The following UBE2E3 variants were observed in gnomAD, a reference collection of about 807,000 sequenced individuals.
UBE2E3 encodes ubiquitin-conjugating enzyme E2 E3.
A neutral mutation model predicts 23.6 loss-of-function variants in UBE2E3; 5 were observed. The ratio of observed to expected loss-of-function variants is 0.21; its 90% CI spans 0.11 to 0.44. UBE2E3 has a LOEUF of 0.44. Among genes scored for constraint, UBE2E3 ranks in the 20% least tolerant of loss-of-function variants. The pLI is 0.99. For missense variants in UBE2E3, 81 were observed against 249.8 expected (o/e 0.32, Z 4.55); for synonymous variants, 78 against 87.5 (o/e 0.89, Z 0.60).
intron 3 of UBE2E3, among the ~76,000 whole-genome samples, chr2:181,044,127 CTG>C (rs1176667743): frequency 1.3e-5 from 2 of 152,092 alleles, no homozygotes; most frequent in African/African-American, 4.8e-5. Context: ...TTGAGCATAA[CTG>C]TCCCTCCACA....
In UBE2E3 at chr2:180,982,004, G is replaced by A. The variant is rs990576628; in HGVS notation, c.-25-14G>A. ...TAACATTTTCTCCTCCTCCTCCCCT[G>A]TTCTCTTTAAAAGTTTTCCAAGAGA... On this transcript the variant is annotated splice_polypyrimidine_tract_variant and intron_variant, in intron 1 of 5. Transcript: ENST00000410062. 7 of 1,565,940 alleles carry A rather than the reference G, an allele frequency of 4.5e-6. No individual in the cohort carries two copies. The highest frequency in any genetic ancestry group is 6.1e-6 in the Non-Finnish European group (7 of 1,152,612).
Position 180,984,085 on chromosome 2 carries a change from T to A in UBE2E3, c.237T>A (p.Pro79=). 6.2e-7 allele frequency: 1 copy of A among 1,610,994 alleles called. No individual in the cohort carries two copies. The highest frequency in any genetic ancestry group is 1.3e-5 in the African/African-American group (1 of 75,018). ...CTGAAATAACCCTTGATCCTCCTCC[T>A]AATTGCAGGTAAGAAATGAATTTTG... The part of the protein sequence containing the change: ...ELAEITLDPP[P]NCSAGPKGDN... The change falls in exon 3 of 6, where the codon CCT becomes CCA. Residue 79 remains proline, a synonymous_variant. Transcript: ENST00000410062.
chr2:181,031,339 A>C (rs914907080), intron 3 of UBE2E3, among the ~76,000 whole-genome samples: 1 of 152,172 alleles, frequency 6.6e-6, no homozygotes, highest in African/African-American at 2.4e-5. Flanking sequence ...AGATACGTAG[A>C]AATGTGTTTG....
At chr2:181,040,063 T>A (rs889126115) in intron 3 of UBE2E3, among the ~76,000 whole-genome samples, 3 of 152,204 alleles carry the variant, frequency 2.0e-5, no homozygotes, top group African/African-American at 7.2e-5. Flanking sequence ...CCACATGGGG[T>A]GATTTTTAAT....
intron 3 of UBE2E3, among the ~76,000 whole-genome samples, chr2:181,006,583 C>T (rs1225566387): frequency 2.6e-5 from 4 of 151,958 alleles, no homozygotes; most frequent in African/African-American, 7.3e-5. Flanking sequence ...AAATATTTCT[C>T]GTTTAGCTGA....
chr2:181,043,761 A>G (rs1686586506), intron 3 of UBE2E3, among the ~76,000 whole-genome samples: 3 of 152,180 alleles, frequency 2.0e-5, no homozygotes, highest in Admixed American at 6.5e-5. Context: ...TTTACACAAT[A>G]TGATTACTGG....
chr2:180,996,943 A>G (rs1684838768), intron 3 of UBE2E3, among the ~76,000 whole-genome samples: 1 of 152,084 alleles, frequency 6.6e-6, no homozygotes, highest in Non-Finnish European at 1.5e-5. Context: ...AGTACATTTG[A>G]ACTTTGTGCA....
At chr2:180,992,738 C>G (rs956175419) in intron 3 of UBE2E3, among the ~76,000 whole-genome samples, 1 of 152,050 alleles carries the variant, frequency 6.6e-6, no homozygotes. Flanking sequence ...GTCAGCTCAC[C>G]GCAACCTCTG....
chr2:181,052,743 A>G (rs1686879992), intron 3 of UBE2E3, among the ~76,000 whole-genome samples: 1 of 151,712 alleles, frequency 6.6e-6, no homozygotes. Flanking sequence ...CCTAGTTTTT[A>G]ATCACTTTTG....
chr2:181,030,407 A>G (rs758895248), intron 3 of UBE2E3, among the ~76,000 whole-genome samples: 9 of 151,964 alleles, frequency 5.9e-5, no homozygotes, highest in Non-Finnish European at 1.2e-4. Context: ...ATATTTTTCT[A>G]ATGTCAGACT....
At chr2:180,981,720 A>G (rs1218400581) in intron 1 of UBE2E3, among the ~76,000 whole-genome samples, 3 of 152,216 alleles carry the variant, frequency 2.0e-5, no homozygotes, top group African/African-American at 7.2e-5. Context: ...CTTGTTGCCT[A>G]AGTTCCTTGG....
chr2:180,987,658 A>G (rs1684522776), intron 3 of UBE2E3, among the ~76,000 whole-genome samples: 1 of 152,162 alleles, frequency 6.6e-6, no homozygotes, highest in South Asian at 2.1e-4. Flanking sequence ...AAAAATAAAA[A>G]AATAATGAAA....
chr2:181,014,209 A>T lies in UBE2E3; in HGVS notation c.245+30116A>T, dbSNP rs527737438. On this transcript the variant is annotated intron_variant, in intron 3 of 5. Transcript: ENST00000410062. ...ATGGAAGTTTTAGTTTTTGTTTTCA[A>T]TGGTTGTGGTTGTGGTGGGTGGGGG... is the stretch of plus-strand genomic sequence containing the variant. Among the ~76,000 whole-genome samples the T allele has an allele frequency of 3.9e-5, 6 of 152,208 alleles. No homozygotes were observed. In the South Asian group the frequency reaches 1.2e-3, roughly 32 times the overall value.
At chr2:180,986,158 C>T (rs1006355526) in intron 3 of UBE2E3, among the ~76,000 whole-genome samples, 6 of 152,122 alleles carry the variant, frequency 3.9e-5, no homozygotes, top group Non-Finnish European at 1.5e-5. Context: ...TTTCCCTTGT[C>T]ACAACCTGTG....
At chr2:181,024,624 C>A (rs986235667) in intron 3 of UBE2E3, among the ~76,000 whole-genome samples, 1 of 152,012 alleles carries the variant, frequency 6.6e-6, no homozygotes, top group Non-Finnish European at 1.5e-5. Flanking sequence ...TTACAGTAAT[C>A]TATTTTTCTC....
At chr2:181,028,960 T>G in intron 3 of UBE2E3, among the ~76,000 whole-genome samples, 1 of 152,162 alleles carries the variant, frequency 6.6e-6, no homozygotes, top group East Asian at 1.9e-4. Context: ...TATCTTTATT[T>G]TTTTTTCAAA....
chr2:180,985,950 T>G (rs1395158244), intron 3 of UBE2E3, among the ~76,000 whole-genome samples: 1 of 142,200 alleles, frequency 7.0e-6, no homozygotes, highest in Non-Finnish European at 1.6e-5. Flanking sequence ...TCCGGAATGT[T>G]TCCTCAAGGT....
intron 3 of UBE2E3, among the ~76,000 whole-genome samples, chr2:180,987,183 A>G (rs1249915200): frequency 1.3e-5 from 2 of 152,166 alleles, no homozygotes; most frequent in Admixed American, 6.5e-5. Context: ...GTTTCAGTTT[A>G]TGCTGTTTAC....
intron 3 of UBE2E3, among the ~76,000 whole-genome samples, chr2:181,008,824 G>A (rs1224731145): frequency 6.6e-6 from 1 of 151,878 alleles, no homozygotes; most frequent in Non-Finnish European, 1.5e-5. Context: ...AATTTCTTTA[G>A]AGCTAAGCTT....
Sources: allele counts gnomAD v4.1 joint callset (sites outside exome capture counted in the v4.1 genomes callset), GRCh38; gene constraint gnomAD v4.1.1; transcripts MANE v1.5; gene names NCBI Gene and HGNC (gene_info 2026-07-23, HGNC 2026-07-21).